Variants in MYT1L observed in about 807,000 individuals in gnomAD.
MYT1L encodes the protein myelin transcription factor 1-like protein.
MYT1L carries 12 observed loss-of-function variants against 126.7 expected under a neutral mutation model. The ratio of observed to expected loss-of-function variants is 0.09; its 90% confidence interval spans 0.06 to 0.15. MYT1L has a LOEUF of 0.15. MYT1L is among the 10% of genes least tolerant of loss of function. MYT1L has a pLI of 1.00. For missense variants in MYT1L, 979 were observed against 1,585.2 expected (o/e 0.62, Z 6.49); for synonymous variants, 541 against 604.2 (o/e 0.90, Z 1.53).
intron 9 of MYT1L, among the ~76,000 whole-genome samples, chr2:1,939,329 A>C (rs2056374148): frequency 6.6e-6 from 1 of 152,180 alleles, no homozygotes; most frequent in Non-Finnish European, 1.5e-5. Context: ...TCACCCAAGG[A>C]ACATGAAAGG....
intron 3 of MYT1L, among the ~76,000 whole-genome samples, chr2:2,150,756 T>C (rs532608100): frequency 4.0e-5 from 6 of 151,548 alleles, no homozygotes; most frequent in Admixed American, 2.6e-4. Flanking sequence ...AGGCTTTTGA[T>C]GTGAAGAGCA....
intron 3 of MYT1L, among the ~76,000 whole-genome samples, chr2:2,055,838 T>C (rs1004676654): frequency 6.6e-6 from 1 of 152,228 alleles, no homozygotes; most frequent in Non-Finnish European, 1.5e-5. Flanking sequence ...AATTCATCTC[T>C]ATCACTTTAA....
At chr2:2,102,852 T>C (rs1313893090) in intron 3 of MYT1L, among the ~76,000 whole-genome samples, 1 of 152,008 alleles carries the variant, frequency 6.6e-6, no homozygotes, top group Non-Finnish European at 1.5e-5. Context: ...ATTGCTCCAG[T>C]AGAATATTGA....
chr2:1,949,088 C>A lies in MYT1L; in HGVS notation c.153-5754G>T, dbSNP rs189271694. Among the ~76,000 whole-genome samples the A allele has an allele frequency of 1.4e-3, 213 of 152,182 alleles. 1 individual carries two copies. The highest frequency in any genetic ancestry group is 4.9e-3 in the African/African-American group (202 of 41,504). ...AATAGTTCTCTGTTGACAAAATACC[C>A]CTCCCGTCATTTTTCCAGAGTGTGT... On this transcript the variant is annotated intron_variant, in intron 8 of 24. Transcript: ENST00000647738.
At chr2:2,270,541 A>C (rs2095242465) in intron 2 of MYT1L, among the ~76,000 whole-genome samples, 1 of 152,148 alleles carries the variant, frequency 6.6e-6, no homozygotes, top group African/African-American at 2.4e-5. Context: ...TTTGCCCCCA[A>C]AAATGACACA....
chr2:1,857,939 T>G (rs2044118300), intron 18 of MYT1L, among the ~76,000 whole-genome samples: 2 of 152,272 alleles, frequency 1.3e-5, no homozygotes, highest in East Asian at 3.9e-4. Context: ...CTCGGCTCAC[T>G]GCAACCTCCT....
chr2:2,164,055 A>T (rs1441662878), intron 3 of MYT1L, among the ~76,000 whole-genome samples: 2 of 152,146 alleles, frequency 1.3e-5, no homozygotes, highest in Non-Finnish European at 1.5e-5. Flanking sequence ...TAATTTATAT[A>T]AATTTAATTT....
intron 4 of MYT1L, among the ~76,000 whole-genome samples, chr2:2,045,095 A>G (rs142029858): frequency 6.6e-6 from 1 of 152,338 alleles, no homozygotes; most frequent in East Asian, 1.9e-4. Flanking sequence ...CAGCCCCCAC[A>G]CTGAAGGAAT....
At chr2:2,226,583 C>T (rs911206117) in intron 2 of MYT1L, among the ~76,000 whole-genome samples, 1 of 152,162 alleles carries the variant, frequency 6.6e-6, no homozygotes, top group African/African-American at 2.4e-5. Flanking sequence ...CCAGACCATT[C>T]TGCCTGTGAC....
At chr2:2,273,038 G>T (rs1208821261) in intron 2 of MYT1L, among the ~76,000 whole-genome samples, 1 of 152,094 alleles carries the variant, frequency 6.6e-6, no homozygotes, top group Admixed American at 6.5e-5. Context: ...GCTCTCAGGG[G>T]CCTGTGCCTT....
intron 9 of MYT1L, among the ~76,000 whole-genome samples, chr2:1,937,203 C>T (rs1195420403): frequency 2.6e-5 from 4 of 152,168 alleles, no homozygotes; most frequent in South Asian, 2.1e-4. Context: ...CTGTTCGACT[C>T]CCCTGACCCC....
intron 4 of MYT1L, among the ~76,000 whole-genome samples, chr2:2,029,228 T>C (rs76789693): frequency 0.025 from 3,826 of 152,310 alleles, 56 homozygotes; most frequent in Non-Finnish European, 0.037. Context: ...AACATATTCA[T>C]GTCCATACAC....
intron 9 of MYT1L, among the ~76,000 whole-genome samples, chr2:1,924,879 T>C (rs966764790): frequency 2.6e-5 from 4 of 152,240 alleles, no homozygotes; most frequent in African/African-American, 9.6e-5. Context: ...CCCCTTGCTA[T>C]ACCCTAGTGT....
At position 2,201,253 on chromosome 2, in the gene MYT1L, G is replaced by C. The variant is rs1015431934; in HGVS notation, c.-420-28265C>G. Among the ~76,000 whole-genome samples, 11 of 152,110 alleles carry C rather than the reference G, an allele frequency of 7.2e-5. No homozygotes were observed. The South Asian group carries it at 2.1e-3, about 29-fold the overall frequency. On this transcript the variant is annotated intron_variant, in intron 2 of 24. Transcript: ENST00000647738. ...GTCAATTACTGGAGACTGTTTTCAG[G>C]ACCTGGTGACCTGGCTTACACAACT...
chr2:2,276,913 C>T (rs181567698), intron 2 of MYT1L, among the ~76,000 whole-genome samples: 43 of 152,310 alleles, frequency 2.8e-4, no homozygotes, highest in Admixed American at 2.4e-3. Flanking sequence ...TGCTTGACCA[C>T]GGCACCACAC....
chr2:1,884,205 G>A (rs532285158), intron 18 of MYT1L: 1 of 152,258 alleles, frequency 6.6e-6, no homozygotes, highest in South Asian at 2.1e-4. Context: ...GGGGTAATTG[G>A]GGCCCACTTT....
At chr2:2,218,650 G>A (rs973041802) in intron 2 of MYT1L, among the ~76,000 whole-genome samples, 7 of 152,150 alleles carry the variant, frequency 4.6e-5, no homozygotes, top group South Asian at 4.1e-4. Flanking sequence ...GATGCATGGG[G>A]ATCTACACAC....
At chr2:1,989,639 G>A (rs1381300325) in intron 5 of MYT1L, among the ~76,000 whole-genome samples, 1 of 152,140 alleles carries the variant, frequency 6.6e-6, no homozygotes, top group Non-Finnish European at 1.5e-5. Context: ...AAAATAAAGG[G>A]AAACGTTTCC....
intron 2 of MYT1L, among the ~76,000 whole-genome samples, chr2:2,282,381 GT>G (rs1474778326): frequency 1.3e-5 from 2 of 152,174 alleles, no homozygotes; most frequent in Non-Finnish European, 1.5e-5. Context: ...TATGAGATTA[GT>G]TTTTTCTTAA....
Sources: gnomAD v4.1 joint callset for allele counts (sites outside exome capture counted in the v4.1 genomes callset) on GRCh38, gnomAD v4.1.1 for gene constraint, MANE v1.5 for transcripts, NCBI Gene and HGNC (gene_info 2026-07-23, HGNC 2026-07-21) for gene names.